The following EIF2AK3 variants were observed in gnomAD, a reference collection of about 807,000 sequenced individuals.
EIF2AK3 encodes eukaryotic translation initiation factor 2 alpha kinase 3.
EIF2AK3 carries 50 observed loss-of-function variants against 113.5 expected under a neutral mutation model. The observed-to-expected ratio is 0.44, with a 90% CI of 0.35 to 0.56. EIF2AK3 has a LOEUF of 0.56. Among genes scored for constraint, EIF2AK3 ranks in the 20% least tolerant of loss-of-function variants. The probability of loss-of-function intolerance (pLI) is 0.00; values close to 1 mark genes in which losing one functional copy is unlikely to be tolerated. For synonymous variants in EIF2AK3, 448 were observed against 495.4 expected (o/e 0.90, Z 1.27); for missense variants, 1,185 against 1,378.0 (o/e 0.86, Z 2.22).
At position 88,594,311 on chromosome 2, in the gene EIF2AK3, GC is replaced by G. The variant is rs1452922650; in HGVS notation, c.634-907del. On this transcript the variant is annotated intron_variant, in intron 3 of 16. Transcript: ENST00000303236. ...AGGTTCAAGTGATTCTCGTACCTCAGCCTCCTGACTAGCTGGGACTACAGGC... is the reference window on the plus strand; with the variant it reads ...AGGTTCAAGTGATTCTCGTACCTCAGCTCCTGACTAGCTGGGACTACAGGC... Among the ~76,000 whole-genome samples the G allele has an allele frequency of 2.0e-5, 3 of 152,184 alleles. No homozygotes were observed. The East Asian group carries it at 5.8e-4, about 29-fold the overall frequency.
At chr2:88,625,215 C>A (rs1251734883) in intron 1 of EIF2AK3, among the ~76,000 whole-genome samples, 2 of 149,192 alleles carry the variant, frequency 1.3e-5, no homozygotes, top group African/African-American at 4.9e-5. Context: ...TCGGCTCTAA[C>A]CTATTTTTTC....
At chr2:88,627,854 G>C (rs2103994462), upstream of EIF2AK3, 1 of 152,160 alleles carries the variant, frequency 6.6e-6, no homozygotes, top group Middle Eastern at 3.4e-3. Context: ...TGATTGGTTG[G>C]AAGCGGCACT....
intron 13 of EIF2AK3, among the ~76,000 whole-genome samples, chr2:88,571,794 C>A (rs1395713496): frequency 6.6e-6 from 1 of 152,196 alleles, no homozygotes; most frequent in Non-Finnish European, 1.5e-5. Flanking sequence ...TATGCTGCCT[C>A]TCGTAAAACC....
At chr2:88,559,307 T>C (rs1267859276) in intron 15 of EIF2AK3, among the ~76,000 whole-genome samples, 3 of 152,228 alleles carry the variant, frequency 2.0e-5, no homozygotes, top group Non-Finnish European at 2.9e-5. Flanking sequence ...CTTGTCATTA[T>C]TCCCTCATCA....
intron 10 of EIF2AK3, chr2:88,579,952 A>G (rs776226843): frequency 4.8e-5 from 14 of 292,766 alleles, no homozygotes; most frequent in Non-Finnish European, 9.2e-5. Context: ...CCTATCATCT[A>G]CCAAAATATC....
intron 2 of EIF2AK3, among the ~76,000 whole-genome samples, chr2:88,609,700 A>G (rs1179912049): frequency 2.6e-5 from 4 of 152,188 alleles, no homozygotes; most frequent in African/African-American, 7.2e-5. Context: ...TCAAAAGTCA[A>G]CTGGGTATTT....
intron 13 of EIF2AK3, chr2:88,574,379 CT>C (rs1172697500): frequency 2.2e-6 from 1 of 451,160 alleles, no homozygotes; most frequent in East Asian, 4.1e-5. Context: ...CCTAAAGATT[CT>C]TTTTTCTTTT....
intron 8 of EIF2AK3, 23 bp from the exon 9 acceptor site, chr2:88,586,084 G>GT (rs554999626): frequency 2.3e-4 from 369 of 1,586,648 alleles, no homozygotes; most frequent in Non-Finnish European, 2.9e-4. Context: ...ACATTAAAAC[G>GT]TTTTTTTTAA....
rs549439414 is a variant in EIF2AK3 at position 88,581,390 on chromosome 2, C to A, written c.1764-1750G>T. ...ACTCCCCAAACCTCATCTCTACTTG[C>A]CGAACTCTCACAATTTAAAATTCAG... On this transcript the variant is annotated intron_variant, in intron 10 of 16. Coordinates refer to ENST00000303236, the MANE Select transcript of EIF2AK3 (RefSeq NM_004836.7). 1.2e-4 allele frequency among the ~76,000 whole-genome samples: 18 copies of A among 152,226 alleles called. No individual in the cohort carries two copies. In the East Asian group the frequency reaches 3.1e-3, roughly 26 times the overall value.
chr2:88,614,429 C>T (rs1161854344), intron 1 of EIF2AK3, among the ~76,000 whole-genome samples: 2 of 152,132 alleles, frequency 1.3e-5, no homozygotes, highest in African/African-American at 2.4e-5. Context: ...AGGTAACTAG[C>T]CCCATCCTGG....
In EIF2AK3 at chr2:88,561,354, C is replaced by T. The variant is rs367554281; in HGVS notation, c.3087+935G>A. ...TCTGCTCAATGCAAGCTCCGCCTCC[C>T]GGGTTCACACCATTCTCCTGCCTCA... On this transcript the variant is annotated intron_variant, in intron 15 of 16. Coordinates refer to ENST00000303236, the MANE Select transcript of EIF2AK3 (RefSeq NM_004836.7). 3.9e-4 allele frequency among the ~76,000 whole-genome samples: 59 copies of T among 152,048 alleles called. No individual in the cohort carries two copies. The South Asian group carries it at 7.5e-3, about 19-fold the overall frequency.
chr2:88,619,932 C>T (rs1252341714), intron 1 of EIF2AK3, among the ~76,000 whole-genome samples: 2 of 138,826 alleles, frequency 1.4e-5, no homozygotes, highest in Admixed American at 7.9e-5. Context: ...CTCCAGCCTG[C>T]ACGACAGAGC....
chr2:88,586,595 CTTT>C (rs533167763), intron 8 of EIF2AK3, among the ~76,000 whole-genome samples: 100 of 119,914 alleles, frequency 8.3e-4, no homozygotes, highest in African/African-American at 3.0e-3. Context: ...TTTATCTTGC[CTTT>C]TTTTTTTTTT....
Position 88,557,531 on chromosome 2 carries a change from C to T in EIF2AK3, c.*205G>A, listed in dbSNP as rs1339878362. 1 of 609,822 alleles carries T rather than the reference C, an allele frequency of 1.6e-6. No homozygotes were observed. The highest frequency in any genetic ancestry group is 2.9e-6 in the Non-Finnish European group (1 of 344,424). 37.8% of individuals were successfully genotyped at this position (609,822 alleles called of 1,614,324 possible). A position where few individuals can be genotyped will look rare whatever the true frequency, so the allele number is the denominator to read the frequency against. Reference sequence around the variant, plus strand: ...GAGACTAACAAAGAACAAAGATAGCCCTTTCCTTAAGTATAGCAAAACTCA... The same window carrying T: ...GAGACTAACAAAGAACAAAGATAGCTCTTTCCTTAAGTATAGCAAAACTCA... On this transcript the variant is annotated 3_prime_UTR_variant, in exon 17 of 17. Transcript: ENST00000303236.
intron 11 of EIF2AK3, 73 bp from the exon 12 acceptor site, chr2:88,576,776 T>G (rs1459919696): frequency 1.1e-5 from 16 of 1,509,862 alleles, no homozygotes; most frequent in Non-Finnish European, 1.5e-5. Context: ...ATTATATGAC[T>G]TATACCCCTA....
At chr2:88,601,834 CTTTTTTTTTTTTTTTTT>C (rs59987968) in intron 2 of EIF2AK3, among the ~76,000 whole-genome samples, 105 of 74,866 alleles carry the variant, frequency 1.4e-3, no homozygotes, top group Middle Eastern at 0.014. Flanking sequence ...TAAGATTTTT[CTTTTTTTTTTTTTTTTT>C]TTTTGCTTTT....
Position 88,588,111 on chromosome 2 carries a change from G to A in EIF2AK3, c.1307-7C>T. ...GGAGTTCTGGAAGGAGAATCTAAAA[G>A]AAAATTATTATTTTCTTAATAATAA... On this transcript the variant is annotated splice_region_variant and splice_polypyrimidine_tract_variant and intron_variant, in intron 7 of 16. Coordinates refer to ENST00000303236, the MANE Select transcript of EIF2AK3 (RefSeq NM_004836.7). The A allele has an allele frequency of 6.9e-7, 1 of 1,455,904 alleles. No homozygotes were observed. The highest frequency in any genetic ancestry group is 9.5e-7 in the Non-Finnish European group (1 of 1,051,240). 90.2% of individuals were successfully genotyped at this position (1,455,904 alleles called of 1,614,324 possible). A position where few individuals can be genotyped will look rare whatever the true frequency, so the allele number is the denominator to read the frequency against.
At chr2:88,577,291 G>A (rs1442425107) in intron 11 of EIF2AK3, among the ~76,000 whole-genome samples, 3 of 150,950 alleles carry the variant, frequency 2.0e-5, no homozygotes, top group Non-Finnish European at 4.4e-5. Context: ...CTAGCCTAGG[G>A]TATACTTCTA....
Position 88,562,342 on chromosome 2 carries a change from G to A in EIF2AK3, c.3034C>T (p.Leu1012=), listed in dbSNP as rs766612771. The change falls in exon 15 of 17, where the codon CTG becomes TTG. Residue 1012 remains leucine, a synonymous_variant. Transcript: ENST00000303236. ...SHKVDIFSLG[L]ILFELLYPFS... is the part of the protein sequence containing the mutation. ...GGATACAGCAATTCAAATAGAATCAGGCCTAAAGAAAAGATGTCCACTTTA... is the reference window on the plus strand; with the variant it reads ...GGATACAGCAATTCAAATAGAATCAAGCCTAAAGAAAAGATGTCCACTTTA... 4.3e-6 allele frequency: 7 copies of A among 1,613,976 alleles called. No individual in the cohort carries two copies. Among genetic ancestry groups the A allele is most frequent in the Admixed American group, 1.7e-5 (1 of 60,012 alleles).
Sources: allele counts gnomAD v4.1 joint callset (sites outside exome capture counted in the v4.1 genomes callset), GRCh38; gene constraint gnomAD v4.1.1; transcripts MANE v1.5; gene names NCBI Gene and HGNC (gene_info 2026-07-23, HGNC 2026-07-21).